Variants in SLC38A2 observed in about 807,000 individuals in gnomAD.
SLC38A2 encodes sodium-coupled neutral amino acid symporter 2.
SLC38A2 carries 11 observed loss-of-function variants against 61.5 expected under a neutral mutation model. The observed-to-expected ratio is 0.18, with a 90% CI of 0.11 to 0.30. The LOEUF (loss-of-function observed/expected upper bound fraction) is 0.30, where lower values mean the gene tolerates loss of function less well. Among genes scored for constraint, SLC38A2 ranks in the 10% least tolerant of loss-of-function variants. The pLI is 1.00. For synonymous variants in SLC38A2, 217 were observed against 212.5 expected (o/e 1.02, Z -0.18); for missense variants, 522 against 600.4 (o/e 0.87, Z 1.36).
At chr12:46,369,624 G>T (rs1279729822) in intron 4 of SLC38A2, among the ~76,000 whole-genome samples, 1 of 152,038 alleles carries the variant, frequency 6.6e-6, no homozygotes, top group African/African-American at 2.4e-5. Context: ...GGGGTCCACG[G>T]GTACTTAAAC....
Position 46,364,291 on chromosome 12 carries a change from A to T in SLC38A2, c.873+98T>A, listed in dbSNP as rs1216765369. 2.1e-5 allele frequency: 27 copies of T among 1,261,768 alleles called. No individual in the cohort carries two copies. In the South Asian group the frequency reaches 3.2e-4, roughly 15 times the overall value. The allele number at this position is 1,261,768 out of a possible 1,614,324, so 78.2% of individuals were successfully genotyped here. On this transcript the variant is annotated intron_variant, in intron 10 of 15. Transcript: ENST00000256689. ...ATTAGCTAATCACATGTTTTCTATA[A>T]AGCACCTATTATCCTCCTCCCTTTA...
Position 46,367,102 on chromosome 12 carries a change from C to A in SLC38A2, c.455G>T (p.Gly152Val), listed in dbSNP as rs552011374. Residue 152 changes from glycine (G) to valine (V), a missense_variant, in exon 6 of 16, where the codon GGA becomes GTA. This residue lies in a region of SLC38A2 where 111 missense variants were observed against 173.4 expected (regional missense o/e 0.64). Coordinates refer to ENST00000256689, the MANE Select transcript of SLC38A2 (RefSeq NM_018976.5). ...FGLVGKLAAS[G>V]SITMQNIGAM... ...TCCAATGTTCTGCATTGTAATTGATCCAGATGCTGCAAGCTTTCCAACTAA... is the reference window on the plus strand; with the variant it reads ...TCCAATGTTCTGCATTGTAATTGATACAGATGCTGCAAGCTTTCCAACTAA... 1 of 1,614,056 alleles carries A rather than the reference C, an allele frequency of 6.2e-7. No homozygotes were observed. The highest frequency in any genetic ancestry group is 1.3e-5 in the African/African-American group (1 of 75,052).
chr12:46,358,252 G>T lies in SLC38A2; in HGVS notation c.*2859C>A, dbSNP rs1042785798. ...AAACATACATTGTTTCATTGAAACG[G>T]TGTAGCACTCTTTGCCAACAAGCCA... is the stretch of plus-strand genomic sequence containing the variant. On this transcript the variant is annotated 3_prime_UTR_variant, in exon 16 of 16. Coordinates refer to ENST00000256689, the MANE Select transcript of SLC38A2 (RefSeq NM_018976.5). The T allele has an allele frequency of 2.0e-5, 3 of 152,512 alleles. No individual in the cohort carries two copies. Among genetic ancestry groups the T allele is most frequent in the Non-Finnish European group, 4.4e-5 (3 of 68,016 alleles). The allele number at this position is 152,512 out of a possible 1,614,324, so 9.4% of individuals were successfully genotyped here.
chr12:46,371,357 G>T lies in SLC38A2; in HGVS notation c.-64C>A, dbSNP rs1943196546. The T allele has an allele frequency of 7.5e-6, 10 of 1,336,190 alleles. No individual in the cohort carries two copies. Among genetic ancestry groups the T allele is most frequent in the Non-Finnish European group, 1.1e-5 (10 of 938,978 alleles). The allele number at this position is 1,336,190 out of a possible 1,614,324, so 82.8% of individuals were successfully genotyped here. Reference sequence around the variant, plus strand: ...TGGGCTCCTTTTGTCCTTGGCGGTGGGTGCAGCGGCCCGCGAGTCGGCCTG... The same window carrying T: ...TGGGCTCCTTTTGTCCTTGGCGGTGTGTGCAGCGGCCCGCGAGTCGGCCTG... On this transcript the variant is annotated 5_prime_UTR_variant, in exon 2 of 16. Transcript: ENST00000256689.
chr12:46,362,245 A>T, intron 15 of SLC38A2, 39 bp downstream of exon 15: 1 of 1,447,190 alleles, frequency 6.9e-7, no homozygotes, highest in South Asian at 1.3e-5. Flanking sequence ...GAAATTTATG[A>T]TATTATTACT....
At chr12:46,368,503 A>G (rs1943162133) in intron 4 of SLC38A2, among the ~76,000 whole-genome samples, 1 of 152,222 alleles carries the variant, frequency 6.6e-6, no homozygotes, top group African/African-American at 2.4e-5. Context: ...TCCACCTAGG[A>G]GAGCCCAGAG....
chr12:46,369,133 T>TA (rs1449294555), intron 4 of SLC38A2, among the ~76,000 whole-genome samples: 1 of 152,224 alleles, frequency 6.6e-6, no homozygotes, highest in African/African-American at 2.4e-5. Context: ...AGGTGCCATT[T>TA]AGTATCATTT....
In SLC38A2 at chr12:46,363,812, C is replaced by A; in HGVS notation, c.968G>T (p.Arg323Ile). 4 of 1,594,754 alleles carry A rather than the reference C, an allele frequency of 2.5e-6. No individual in the cohort carries two copies. Among genetic ancestry groups the A allele is most frequent in the Non-Finnish European group, 3.4e-6 (4 of 1,173,476 alleles). The part of the protein sequence containing the change: ...YEELKDRSRR[R>I]MMNVSKISFF... ...TGAAATCTTGGACACATTCATCATT[C>A]TTCTACGGCTGCGGCTATGTAATTC... is the stretch of plus-strand genomic sequence containing the variant. The change falls in exon 12 of 16, where the codon AGA (arginine) becomes ATA (isoleucine). Residue 323 changes from arginine (R) to isoleucine (I), a missense_variant. Arg to Ile is a moderately conservative substitution (Grantham distance 97, BLOSUM62 -3). Transcript: ENST00000256689.
intron 7 of SLC38A2, 187 bp from the exon 8 acceptor site, chr12:46,365,376 A>G (rs1283874247): frequency 1.9e-5 from 12 of 621,694 alleles, no homozygotes; most frequent in Non-Finnish European, 3.1e-5. Flanking sequence ...ATGAACATTT[A>G]CTCAGGTTAG....
At chr12:46,366,414 G>A (rs1199122059) in intron 7 of SLC38A2, among the ~76,000 whole-genome samples, 1 of 152,054 alleles carries the variant, frequency 6.6e-6, no homozygotes, top group African/African-American at 2.4e-5. Context: ...CACTTGTAGT[G>A]TCATGTTGGC....
intron 8 of SLC38A2, 130 bp from the exon 9 acceptor site, chr12:46,364,832 A>G (rs1244405245): frequency 2.5e-6 from 2 of 802,078 alleles, no homozygotes; most frequent in Non-Finnish European, 3.9e-6. Flanking sequence ...ATAGCACTAA[A>G]TTTCTAATTC....
At chr12:46,367,562 ATTGGT>A (rs1943152017) in intron 4 of SLC38A2, among the ~76,000 whole-genome samples, 2 of 152,216 alleles carry the variant, frequency 1.3e-5, no homozygotes, top group Admixed American at 6.5e-5. Context: ...GTTCTACAGC[ATTGGT>A]TAGGAACAAG....
chr12:46,366,755 A>T (rs759596064), intron 7 of SLC38A2, 109 bp downstream of exon 7: 1 of 1,048,924 alleles, frequency 9.5e-7, no homozygotes, highest in Non-Finnish European at 1.3e-6. Flanking sequence ...TTTCAAAAGG[A>T]ACATTTATGG....
chr12:46,366,540 A>G (rs1259583089), intron 7 of SLC38A2, among the ~76,000 whole-genome samples: 1 of 152,184 alleles, frequency 6.6e-6, no homozygotes. Flanking sequence ...TTTTAATGTA[A>G]TTCAAAGCTT....
chr12:46,363,165 A>C lies in SLC38A2; in HGVS notation c.1055-20T>G. 6.2e-7 allele frequency: 1 copy of C among 1,607,366 alleles called. No individual in the cohort carries two copies. The highest frequency in any genetic ancestry group is 1.1e-5 in the South Asian group (1 of 89,860). ...CATGTTCTACAGGGAAAGACCAAAA[A>C]AACTTTGATTGGCTGTTTTCATTGG... On this transcript the variant is annotated intron_variant, in intron 12 of 15. Transcript: ENST00000256689.
intron 13 of SLC38A2, 70 bp from the exon 14 acceptor site, chr12:46,362,708 T>C (rs1221721989): frequency 6.1e-6 from 9 of 1,471,976 alleles, no homozygotes; most frequent in Non-Finnish European, 7.2e-6. Flanking sequence ...CCAGCTTCAA[T>C]GAATGAAAAG....
At chr12:46,366,158 G>A (rs1592205028) in intron 7 of SLC38A2, among the ~76,000 whole-genome samples, 2 of 152,246 alleles carry the variant, frequency 1.3e-5, no homozygotes, top group East Asian at 3.9e-4. Context: ...GGTTTCTATA[G>A]CATGCCCAAA....
In SLC38A2 at chr12:46,371,874, TC is replaced by T. The variant is rs566294579; in HGVS notation, c.-86-496del. On this transcript the variant is annotated intron_variant, in intron 1 of 15. Coordinates refer to ENST00000256689, the MANE Select transcript of SLC38A2 (RefSeq NM_018976.5). ...GAAATGCCTCTGCCGCAGACAGCCT[TC>T]CCCAGGAGGCGGAAAGGGCCGACAC... 4.3e-3 allele frequency among the ~76,000 whole-genome samples: 649 copies of T among 152,118 alleles called. 3 individuals carry two copies. Among genetic ancestry groups the T allele is most frequent in the African/African-American group, 0.015 (612 of 41,514 alleles).
chr12:46,371,156 A>G (rs992789556), intron 2 of SLC38A2, 22 bp downstream of exon 2: 60 of 1,610,342 alleles, frequency 3.7e-5, no homozygotes, highest in Middle Eastern at 1.6e-4. Flanking sequence ...CGTTTTTTCA[A>G]AAGTGTCACA....
Sources: allele counts gnomAD v4.1 joint callset (sites outside exome capture counted in the v4.1 genomes callset), GRCh38; gene constraint gnomAD v4.1.1; regional missense constraint gnomAD v4.1.1; transcripts MANE v1.5; gene names NCBI Gene and HGNC (gene_info 2026-07-23, HGNC 2026-07-21).